The following CHST8 variants were observed in gnomAD, a reference collection of about 807,000 sequenced individuals.
CHST8 encodes the protein GALNAC-4-ST1.
In CHST8, 10 loss-of-function variants were observed where a neutral mutation model predicts 15.0. The ratio of observed to expected loss-of-function variants is 0.67; its 90% confidence interval spans 0.41 to 1.13. CHST8 has a LOEUF of 1.13. Ranked by LOEUF, CHST8 falls within the 50% of genes most tolerant of loss-of-function variation. The pLI is 0.00. For synonymous variants in CHST8, 259 were observed against 256.6 expected, an observed-to-expected ratio of 1.01 and a Z score of -0.09; for missense variants, 634 against 608.2, an observed-to-expected ratio of 1.04 and a Z score of -0.45.
chr19:33,766,922 A>C (rs1206117838), intron 3 of CHST8, among the ~76,000 whole-genome samples: 2 of 152,226 alleles, frequency 1.3e-5, no homozygotes, highest in Non-Finnish European at 2.9e-5. Flanking sequence ...AGGAAATCCC[A>C]AAAGACCAAG....
At chr19:33,701,460 A>T (rs771137080) in intron 3 of CHST8, among the ~76,000 whole-genome samples, 6 of 152,244 alleles carry the variant, frequency 3.9e-5, no homozygotes, top group Non-Finnish European at 8.8e-5. Flanking sequence ...CTGAAAATTG[A>T]TATTAATAGA....
At chr19:33,756,712 T>C (rs1334613641) in intron 3 of CHST8, among the ~76,000 whole-genome samples, 1 of 152,194 alleles carries the variant, frequency 6.6e-6, no homozygotes, top group Non-Finnish European at 1.5e-5. Flanking sequence ...TCCCCACTCC[T>C]CACCTCCATC....
intron 3 of CHST8, among the ~76,000 whole-genome samples, chr19:33,752,576 C>G (rs1412749375): frequency 6.6e-6 from 1 of 152,094 alleles, no homozygotes; most frequent in Non-Finnish European, 1.5e-5. Context: ...GGCAGTTCCC[C>G]GGGGAGTCGC....
chr19:33,675,202 G>A (rs1383637445), intron 2 of CHST8, among the ~76,000 whole-genome samples: 1 of 152,052 alleles, frequency 6.6e-6, no homozygotes, highest in East Asian at 1.9e-4. Flanking sequence ...CAGTAGCCAG[G>A]CCTGCACCAC....
At chr19:33,737,255 A>T (rs903395846) in intron 3 of CHST8, among the ~76,000 whole-genome samples, 5 of 152,212 alleles carry the variant, frequency 3.3e-5, no homozygotes, top group African/African-American at 1.2e-4. Flanking sequence ...TACTGTCTTA[A>T]TAAACTTGTT....
chr19:33,678,560 A>G (rs1021906656), intron 2 of CHST8, among the ~76,000 whole-genome samples: 1 of 152,078 alleles, frequency 6.6e-6, no homozygotes, highest in African/African-American at 2.4e-5. Flanking sequence ...TGGGCAACAT[A>G]GTGAGACCCC....
chr19:33,649,609 T>C (rs189104082), intron 1 of CHST8, among the ~76,000 whole-genome samples: 77 of 152,326 alleles, frequency 5.1e-4, no homozygotes, highest in African/African-American at 1.8e-3. Flanking sequence ...ACATGCACGT[T>C]ACATGCGTCC....
At chr19:33,648,870 A>G (rs1972392356) in intron 1 of CHST8, among the ~76,000 whole-genome samples, 1 of 150,698 alleles carries the variant, frequency 6.6e-6, no homozygotes, top group Non-Finnish European at 1.5e-5. Context: ...TGTACAATGC[A>G]ATATTATTCA....
intron 3 of CHST8, among the ~76,000 whole-genome samples, chr19:33,695,373 C>G (rs1476632391): frequency 1.3e-5 from 2 of 152,200 alleles, no homozygotes; most frequent in Non-Finnish European, 2.9e-5. Flanking sequence ...ATGAGCCAGG[C>G]ACAATCACAA....
chr19:33,637,426 G>A (rs1386960682), intron 1 of CHST8, among the ~76,000 whole-genome samples: 2 of 147,434 alleles, frequency 1.4e-5, no homozygotes, highest in Admixed American at 1.4e-4. Flanking sequence ...TTTTTGAGAC[G>A]GAGTCTCGCT....
At chr19:33,704,477 A>T (rs1339872905) in intron 3 of CHST8, among the ~76,000 whole-genome samples, 1 of 151,990 alleles carries the variant, frequency 6.6e-6, no homozygotes, top group African/African-American at 2.4e-5. Context: ...GGGAAAGGGG[A>T]TGGGGTGAGG....
At chr19:33,704,908 TAAA>T (rs553461502) in intron 3 of CHST8, among the ~76,000 whole-genome samples, 17 of 127,360 alleles carry the variant, frequency 1.3e-4, no homozygotes, top group South Asian at 2.6e-4. Flanking sequence ...GATGCTGTCT[TAAA>T]AAAAAAAAAA....
chr19:33,634,677 CAAAAAAA>C (rs3040761), intron 1 of CHST8, among the ~76,000 whole-genome samples: 12 of 52,370 alleles, frequency 2.3e-4, no homozygotes, highest in Middle Eastern at 0.023. Context: ...GTCACGAAAC[CAAAAAAA>C]AAAAAAAAAA....
At chr19:33,743,276 C>A (rs540650724) in intron 3 of CHST8, among the ~76,000 whole-genome samples, 1 of 151,352 alleles carries the variant, frequency 6.6e-6, no homozygotes, top group Non-Finnish European at 1.5e-5. Context: ...TCTCTTCCTG[C>A]ACTATCTACC....
intron 3 of CHST8, among the ~76,000 whole-genome samples, chr19:33,758,110 G>A (rs1974640478): frequency 7.8e-6 from 1 of 127,582 alleles, no homozygotes; most frequent in Non-Finnish European, 1.6e-5. Context: ...AATTGCCAGA[G>A]TCTCTGTTCT....
intron 3 of CHST8, among the ~76,000 whole-genome samples, chr19:33,707,992 A>C (rs1046708212): frequency 2.0e-5 from 3 of 152,156 alleles, no homozygotes; most frequent in African/African-American, 4.8e-5. Context: ...TTTAATTTGC[A>C]TCTCTCTAAT....
At chr19:33,727,604 T>C (rs1359247453) in intron 3 of CHST8, among the ~76,000 whole-genome samples, 1 of 152,188 alleles carries the variant, frequency 6.6e-6, no homozygotes, top group African/African-American at 2.4e-5. Flanking sequence ...ATTTTGTGAA[T>C]AGACTTGGGA....
chr19:33,653,860 T>C (rs1158741750), intron 1 of CHST8, among the ~76,000 whole-genome samples: 2 of 152,350 alleles, frequency 1.3e-5, no homozygotes, highest in East Asian at 1.9e-4. Flanking sequence ...AATGTTCTCT[T>C]GAGTGCCCTA....
rs766072233 is a variant in CHST8 at position 33,742,415 on chromosome 19, G to T, written c.131-28998G>T. Reference sequence around the variant, plus strand: ...ACTCATGGCAGAAGGCGAAGGGGTAGCAGGCATGTCACATAGCGAGAGAGG... The same window carrying T: ...ACTCATGGCAGAAGGCGAAGGGGTATCAGGCATGTCACATAGCGAGAGAGG... On this transcript the variant is annotated intron_variant, in intron 3 of 4. Coordinates refer to ENST00000650847, the MANE Select transcript of CHST8 (RefSeq NM_001127895.2). 2.6e-5 allele frequency among the ~76,000 whole-genome samples: 4 copies of T among 152,174 alleles called. 1 individual carries two copies. The East Asian group carries it at 5.8e-4, about 22-fold the overall frequency.
Sources: allele counts gnomAD v4.1 joint callset (sites outside exome capture counted in the v4.1 genomes callset), GRCh38; gene constraint gnomAD v4.1.1; transcripts MANE v1.5; gene names NCBI Gene and HGNC (gene_info 2026-07-23, HGNC 2026-07-21).